The following THSD7B variants were observed in gnomAD, a reference collection of about 807,000 sequenced individuals.
The protein encoded by THSD7B is thrombospondin type 1 domain containing 7B, also known as thrombospondin type-1 domain-containing protein 7B.
THSD7B carries 138 observed loss-of-function variants against 213.6 expected under a neutral mutation model. That is an observed-to-expected ratio of 0.65 (90% CI 0.56 to 0.74). The LOEUF (loss-of-function observed/expected upper bound fraction) is 0.74, where lower values mean the gene tolerates loss of function less well. Ranked by LOEUF, THSD7B falls within the 30% of genes least tolerant of loss-of-function variation. The pLI, the probability that THSD7B is intolerant of heterozygous loss-of-function variation, is 0.00. For synonymous variants in THSD7B, 742 were observed against 687.0 expected (o/e 1.08, Z -1.25); for missense variants, 1,931 against 1,991.5 (o/e 0.97, Z 0.58).
At chr2:137,370,173 G>A (rs775364487) in intron 12 of THSD7B, among the ~76,000 whole-genome samples, 52 of 152,036 alleles carry the variant, frequency 3.4e-4, no homozygotes, top group Non-Finnish European at 7.4e-4. Context: ...ATTTGATCTG[G>A]TATGCTATTT....
At chr2:137,275,844 A>G in intron 11 of THSD7B, 79 bp from the exon 12 acceptor site, 2 of 1,089,098 alleles carry the variant, frequency 1.8e-6, no homozygotes, top group Non-Finnish European at 2.7e-6. Flanking sequence ...ACTTTTTTTA[A>G]ACTTCAAACA....
At chr2:137,147,159 C>G (rs1194547358) in intron 5 of THSD7B, among the ~76,000 whole-genome samples, 2 of 152,156 alleles carry the variant, frequency 1.3e-5, no homozygotes, top group African/African-American at 2.4e-5. Context: ...ATTTAGAATA[C>G]TGGCTGTGAC....
At chr2:136,920,299 C>G (rs2105033454) in intron 2 of THSD7B, among the ~76,000 whole-genome samples, 1 of 152,298 alleles carries the variant, frequency 6.6e-6, no homozygotes. Flanking sequence ...GGCAGGTCGT[C>G]CTGATGAGTG....
intron 2 of THSD7B, among the ~76,000 whole-genome samples, chr2:137,018,965 T>A (rs1686393442): frequency 6.6e-6 from 1 of 152,204 alleles, no homozygotes; most frequent in Non-Finnish European, 1.5e-5. Flanking sequence ...ATTGTCATAA[T>A]CTCAGTTGGC....
chr2:136,929,030 T>A (rs181189025), intron 2 of THSD7B, among the ~76,000 whole-genome samples: 26 of 152,312 alleles, frequency 1.7e-4, no homozygotes, highest in Non-Finnish European at 2.8e-4. Flanking sequence ...TTTGTACTCC[T>A]GCTGTACTGT....
chr2:136,906,936 G>GTTTTTTTTTTTTTTTTTTTTTTTT (rs57887270), intron 2 of THSD7B, among the ~76,000 whole-genome samples: 2 of 55,096 alleles, frequency 3.6e-5, no homozygotes, highest in African/African-American at 8.9e-5. Flanking sequence ...ACATTTCAAG[G>GTTTTTTTTTTTTTTTTTTTTTTTT]TTTTTTTTTT....
intron 7 of THSD7B, among the ~76,000 whole-genome samples, chr2:137,172,834 G>C (rs1258671652): frequency 1.3e-5 from 2 of 152,162 alleles, no homozygotes; most frequent in African/African-American, 4.8e-5. Flanking sequence ...AATAGATAGT[G>C]TTAGAGTTGA....
chr2:137,274,145 A>T (rs1682816484), intron 11 of THSD7B, among the ~76,000 whole-genome samples: 1 of 152,086 alleles, frequency 6.6e-6, no homozygotes, highest in African/African-American at 2.4e-5. Context: ...CATAGTTCAA[A>T]ATGTATCCAA....
chr2:137,430,162 A>C (rs962682632), intron 14 of THSD7B, among the ~76,000 whole-genome samples: 1 of 152,034 alleles, frequency 6.6e-6, no homozygotes, highest in Admixed American at 6.6e-5. Context: ...TGGGAGGACT[A>C]CTTGAGCCCA....
At chr2:136,803,582 T>G (rs985978559) in intron 1 of THSD7B, among the ~76,000 whole-genome samples, 5 of 152,178 alleles carry the variant, frequency 3.3e-5, no homozygotes, top group African/African-American at 1.2e-4. Flanking sequence ...GATTATATAT[T>G]TGTATTAATC....
intron 25 of THSD7B, 67 bp from the exon 26 acceptor site, chr2:137,663,316 A>G: frequency 2.3e-6 from 3 of 1,321,836 alleles, no homozygotes; most frequent in Non-Finnish European, 3.0e-6. Context: ...TGATTTTAAC[A>G]TTATATTTTT....
chr2:137,132,942 C>A (rs551011603), intron 5 of THSD7B, among the ~76,000 whole-genome samples: 1 of 152,232 alleles, frequency 6.6e-6, no homozygotes, highest in Non-Finnish European at 1.5e-5. Context: ...CCACACTGTA[C>A]TTTTTACAGT....
At position 136,977,075 on chromosome 2, in the gene THSD7B, T is replaced by G. The variant is rs575608742; in HGVS notation, c.140-79345T>G. ...TCCTCTTTGTATCTCTTATAGAATT[T>G]AGCTGTAAATCTGTCTGGTCCTAAG... On this transcript the variant is annotated intron_variant, in intron 2 of 27. Transcript: ENST00000409968. Among the ~76,000 whole-genome samples the G allele has an allele frequency of 2.0e-5, 3 of 152,316 alleles. No homozygotes were observed. The South Asian group carries it at 6.2e-4, about 32-fold the overall frequency.
intron 12 of THSD7B, among the ~76,000 whole-genome samples, chr2:137,335,361 G>A (rs1684614898): frequency 6.6e-6 from 1 of 152,172 alleles, no homozygotes; most frequent in Non-Finnish European, 1.5e-5. Context: ...ATCTCCAGGG[G>A]CTCTATAAAC....
At chr2:137,253,763 C>A (rs1682241124) in intron 10 of THSD7B, among the ~76,000 whole-genome samples, 2 of 152,126 alleles carry the variant, frequency 1.3e-5, no homozygotes, top group African/African-American at 4.8e-5. Flanking sequence ...ATTAAATAAT[C>A]TTCTGCAATT....
At chr2:137,329,819 G>A (rs1020376904) in intron 12 of THSD7B, among the ~76,000 whole-genome samples, 2 of 152,206 alleles carry the variant, frequency 1.3e-5, no homozygotes, top group Non-Finnish European at 2.9e-5. Context: ...ATGAGGAGTC[G>A]AATGTTGATC....
intron 9 of THSD7B, among the ~76,000 whole-genome samples, chr2:137,238,354 G>C (rs913290650): frequency 2.0e-5 from 3 of 152,018 alleles, no homozygotes; most frequent in Admixed American, 2.0e-4. Flanking sequence ...TACCAGGAAA[G>C]GATGGAGAAA....
At chr2:136,911,338 G>GT (rs781456878) in intron 2 of THSD7B, among the ~76,000 whole-genome samples, 42 of 152,224 alleles carry the variant, frequency 2.8e-4, no homozygotes, top group South Asian at 1.5e-3. Context: ...TCATCTGTGT[G>GT]TTTAACAAAA....
chr2:136,768,514 T>A (rs1272358130), intron 1 of THSD7B, among the ~76,000 whole-genome samples: 6 of 152,226 alleles, frequency 3.9e-5, no homozygotes, highest in African/African-American at 1.4e-4. Flanking sequence ...AATATTTGAC[T>A]GGTCTTATTT....
Sources: allele counts gnomAD v4.1 joint callset (sites outside exome capture counted in the v4.1 genomes callset), GRCh38; gene constraint gnomAD v4.1.1; transcripts MANE v1.5; gene names NCBI Gene and HGNC (gene_info 2026-07-23, HGNC 2026-07-21).